The following TMPRSS11F variants were observed in gnomAD, a reference collection of about 807,000 sequenced individuals.
TMPRSS11F encodes transmembrane protease serine 11F.
In TMPRSS11F, 47 loss-of-function variants were observed where a neutral mutation model predicts 60.2. That is an observed-to-expected ratio of 0.78 (90% CI 0.62 to 1.00). The LOEUF (loss-of-function observed/expected upper bound fraction) is 1.00. TMPRSS11F is among the 50% of genes least tolerant of loss of function. The probability of loss-of-function intolerance (pLI) is 0.00; values close to 1 mark genes in which losing one functional copy is unlikely to be tolerated. For synonymous variants in TMPRSS11F, 166 were observed against 167.3 expected (o/e 0.99, Z 0.06); for missense variants, 519 against 522.9 (o/e 0.99, Z 0.07).
intron 1 of TMPRSS11F, among the ~76,000 whole-genome samples, chr4:68,108,737 G>A (rs1724350376): frequency 6.6e-6 from 1 of 152,172 alleles, no homozygotes; most frequent in Non-Finnish European, 1.5e-5. Flanking sequence ...TCTGTCCTCA[G>A]AAAAGATTAT....
In TMPRSS11F at chr4:68,099,050, G is replaced by T; in HGVS notation, c.12-12C>A. The T allele has an allele frequency of 1.2e-6, 2 of 1,601,648 alleles. No individual in the cohort carries two copies. Among genetic ancestry groups the T allele is most frequent in the Non-Finnish European group, 1.7e-6 (2 of 1,173,980 alleles). ...AAAATTCAACAGGTCTGTGATAACA[G>T]AAAGAAAATAGAGACAATAAAAATT... On this transcript the variant is annotated splice_polypyrimidine_tract_variant and intron_variant, in intron 1 of 9. Coordinates refer to ENST00000356291, the MANE Select transcript of TMPRSS11F (RefSeq NM_207407.2).
At chr4:68,111,932 C>A (rs1447907653) in intron 1 of TMPRSS11F, among the ~76,000 whole-genome samples, 1 of 152,062 alleles carries the variant, frequency 6.6e-6, no homozygotes, top group Non-Finnish European at 1.5e-5. Flanking sequence ...TAACTAAAAC[C>A]AATGATTTGG....
At chr4:68,070,810 T>C (rs79843405) in intron 5 of TMPRSS11F, among the ~76,000 whole-genome samples, 6,193 of 152,264 alleles carry the variant, frequency 0.041, 371 homozygotes, top group African/African-American at 0.13. Flanking sequence ...ATTAGAAACA[T>C]TGACTTCTCC....
At chr4:68,123,034 G>C (rs1437214010) in intron 1 of TMPRSS11F, among the ~76,000 whole-genome samples, 1 of 152,148 alleles carries the variant, frequency 6.6e-6, no homozygotes, top group African/African-American at 2.4e-5. Flanking sequence ...AATGCTCTAA[G>C]AGAGTCAGAG....
intron 1 of TMPRSS11F, among the ~76,000 whole-genome samples, chr4:68,122,605 A>C (rs1211399807): frequency 3.3e-5 from 5 of 152,192 alleles, no homozygotes; most frequent in Non-Finnish European, 7.4e-5. Flanking sequence ...CATCCTAAGT[A>C]ATGTTTATGT....
At chr4:68,067,141 G>A (rs1197106248) in intron 7 of TMPRSS11F, among the ~76,000 whole-genome samples, 2 of 151,856 alleles carry the variant, frequency 1.3e-5, no homozygotes, top group East Asian at 1.9e-4. Flanking sequence ...ATGCTATAAT[G>A]TGTCTCCCAT....
chr4:68,109,384 A>G lies in TMPRSS11F; in HGVS notation c.12-10346T>C, dbSNP rs188840305. On this transcript the variant is annotated intron_variant, in intron 1 of 9. Coordinates refer to ENST00000356291, the MANE Select transcript of TMPRSS11F (RefSeq NM_207407.2). ...AATTCTCTTATTGCCTTGGTGAAAA[A>G]TTAGGGTCATGCTGAGAAAGCATTT... Among the ~76,000 whole-genome samples, 5 of 152,264 alleles carry G rather than the reference A, an allele frequency of 3.3e-5. No homozygotes were observed. In the East Asian group the frequency reaches 9.6e-4, roughly 29 times the overall value.
chr4:68,058,609 A>C (rs1182318372), intron 9 of TMPRSS11F, among the ~76,000 whole-genome samples: 2 of 152,228 alleles, frequency 1.3e-5, no homozygotes. Flanking sequence ...ACAGGAAATA[A>C]GCTAGATAAA....
Position 68,098,924 on chromosome 4 carries a change from TC to T in TMPRSS11F, c.125del (p.Gly42GlufsTer37). 6.2e-7 allele frequency: 1 copy of T among 1,612,534 alleles called. No homozygotes were observed. The highest frequency in any genetic ancestry group is 8.5e-7 in the Non-Finnish European group (1 of 1,179,284). On this transcript the variant is annotated frameshift_variant, in exon 2 of 10. Transcript: ENST00000356291. LOFTEE classifies it high-confidence loss of function. Reference protein sequence around the residue: ...LFTLAIVAIIGIAIGIVTHFV... With the variant: ...LFTLAIVAIIXIAIGIVTHFV... ...AATGAGTAACAATACCAATTGCAAT[TC>T]CTATGATTGCTACAATTGCTAATGT...
At chr4:68,081,591 G>A (rs1228089897) in intron 3 of TMPRSS11F, among the ~76,000 whole-genome samples, 2 of 152,198 alleles carry the variant, frequency 1.3e-5, no homozygotes, top group East Asian at 1.9e-4. Context: ...TAGTTAAGTA[G>A]TGATACTTCA....
At chr4:68,121,869 G>A (rs955265258) in intron 1 of TMPRSS11F, among the ~76,000 whole-genome samples, 6 of 152,172 alleles carry the variant, frequency 3.9e-5, no homozygotes, top group Non-Finnish European at 5.9e-5. Context: ...GTGTGAAAGA[G>A]TTAATCGGTA....
At chr4:68,114,319 A>G (rs1010804814) in intron 1 of TMPRSS11F, among the ~76,000 whole-genome samples, 1 of 151,986 alleles carries the variant, frequency 6.6e-6, no homozygotes, top group African/African-American at 2.4e-5. Flanking sequence ...CATTATAAAG[A>G]TATATAGAAT....
rs149952271 is a variant in TMPRSS11F at position 68,084,224 on chromosome 4, G to A, written c.282+6299C>T. On this transcript the variant is annotated intron_variant, in intron 3 of 9. Coordinates refer to ENST00000356291, the MANE Select transcript of TMPRSS11F (RefSeq NM_207407.2). ...ATTCCAGATATACAAGAAGAGAGAG[G>A]AACAACTTGCAAAACATATTTAAGC... Among the ~76,000 whole-genome samples the A allele has an allele frequency of 2.5e-3, 380 of 151,884 alleles. 4 individuals carry two copies. The highest frequency in any genetic ancestry group is 7.1e-3 in the African/African-American group (294 of 41,420).
chr4:68,128,913 AT>A, intron 1 of TMPRSS11F, among the ~76,000 whole-genome samples: 1 of 152,248 alleles, frequency 6.6e-6, no homozygotes, highest in Non-Finnish European at 1.5e-5. Flanking sequence ...AACACTCATC[AT>A]TTAAGAGTGC....
At chr4:68,073,463 G>C (rs1723520469) in intron 4 of TMPRSS11F, among the ~76,000 whole-genome samples, 1 of 151,932 alleles carries the variant, frequency 6.6e-6, no homozygotes. Context: ...AAGTGGAAAG[G>C]AGAAAGGAAA....
chr4:68,118,262 A>C (rs747085112), intron 1 of TMPRSS11F, among the ~76,000 whole-genome samples: 3 of 152,212 alleles, frequency 2.0e-5, no homozygotes, highest in Non-Finnish European at 2.9e-5. Context: ...TCACAATTGA[A>C]AACACCCAAA....
At chr4:68,055,616 T>C (rs1024039315) in intron 9 of TMPRSS11F, among the ~76,000 whole-genome samples, 1 of 152,148 alleles carries the variant, frequency 6.6e-6, no homozygotes, top group Admixed American at 6.6e-5. Context: ...TAGGACCAGA[T>C]GGCTTCACAA....
intron 1 of TMPRSS11F, among the ~76,000 whole-genome samples, chr4:68,117,124 T>C (rs1441659367): frequency 6.6e-6 from 1 of 150,408 alleles, no homozygotes; most frequent in East Asian, 2.0e-4. Flanking sequence ...CCAAAGTTTA[T>C]AAGGAACTCC....
At chr4:68,087,971 T>C (rs952298063) in intron 3 of TMPRSS11F, among the ~76,000 whole-genome samples, 8 of 150,352 alleles carry the variant, frequency 5.3e-5, no homozygotes, top group Admixed American at 1.3e-4. Context: ...TATGTGGTGT[T>C]TGGTTTTTTG....
Sources: gnomAD v4.1 joint callset for allele counts (sites outside exome capture counted in the v4.1 genomes callset) on GRCh38, gnomAD v4.1.1 for gene constraint, MANE v1.5 for transcripts, NCBI Gene and HGNC (gene_info 2026-07-23, HGNC 2026-07-21) for gene names.